Variants in BTBD6 observed in about 807,000 individuals in gnomAD.
The protein encoded by BTBD6 is BTB/POZ domain-containing protein 6.
BTBD6 carries 30 observed loss-of-function variants against 40.6 expected under a neutral mutation model. The observed-to-expected ratio is 0.74, with a 90% CI of 0.55 to 1.00. The LOEUF (loss-of-function observed/expected upper bound fraction) is 1.00. Among genes scored for constraint, BTBD6 ranks in the 50% least tolerant of loss-of-function variants. The pLI is 0.00. For synonymous variants in BTBD6, 378 were observed against 308.7 expected (o/e 1.22, Z -2.35); for missense variants, 698 against 694.6 (o/e 1.00, Z -0.06).
rs750479257 is a variant in BTBD6 at position 105,250,096 on chromosome 14, C to G, written c.1041C>G (p.Ala347=). The G allele has an allele frequency of 1.2e-5, 20 of 1,612,844 alleles. No homozygotes were observed. The African/African-American group carries it at 2.7e-4, about 22-fold the overall frequency. ...RIPTMTLEEF[A]NGAAQSDILT... ...CAACCATGACCCTAGAGGAGTTTGCCAACGGCGCTGCCCAGTCAGACATCC... is the reference window on the plus strand; with the variant it reads ...CAACCATGACCCTAGAGGAGTTTGCGAACGGCGCTGCCCAGTCAGACATCC... Residue 347 remains alanine (A), a synonymous_variant, in exon 4 of 4, where the codon GCC becomes GCG. Transcript: ENST00000392554.
chr14:105,249,938 A>C lies in BTBD6; in HGVS notation c.883A>C (p.Asn295His), dbSNP rs1389175211. ...GATCATTGTCACTCGGGAGGCCCTC[A>C]ACACCAAAGAGGCGGTGGTCTTCGA... ...LEIIVTREAL[N>H]TKEAVVFEAV... Residue 295 changes from asparagine (N) to histidine (H), a missense_variant, in exon 4 of 4, where the codon AAC becomes CAC. By Grantham distance (68) the Asn-to-His change is moderately conservative. Coordinates refer to ENST00000392554, the MANE Select transcript of BTBD6 (RefSeq NM_001387567.1). The C allele has an allele frequency of 6.2e-7, 1 of 1,611,858 alleles. No homozygotes were observed. Among genetic ancestry groups the C allele is most frequent in the Non-Finnish European group, 8.5e-7 (1 of 1,180,012 alleles).
In BTBD6 at chr14:105,250,243, T is replaced by G; in HGVS notation, c.1188T>G (p.Ser396=). Residue 396 remains serine, a synonymous_variant, in exon 4 of 4, where the codon TCT becomes TCG. Transcript: ENST00000392554. ...LAPQRCHRFQ[S]SAYRSNQWRY... ...CGCAGAGGTGCCACCGATTCCAGTC[T>G]TCTGCCTACCGCAGCAACCAGTGGC... 6.2e-7 allele frequency: 1 copy of G among 1,613,058 alleles called. No homozygotes were observed. The highest frequency in any genetic ancestry group is 8.5e-7 in the Non-Finnish European group (1 of 1,180,038).
rs1271633536 is a variant in BTBD6 at position 105,249,328 on chromosome 14, G to T, written c.466-32G>T. 10 of 1,600,088 alleles carry T rather than the reference G, an allele frequency of 6.2e-6. No individual in the cohort carries two copies. The Admixed American group carries it at 1.5e-4, about 25-fold the overall frequency. On this transcript the variant is annotated intron_variant, in intron 2 of 3. Coordinates refer to ENST00000392554, the MANE Select transcript of BTBD6 (RefSeq NM_001387567.1). ...TGGCTGACACGCAGCCTGCGGGAGA[G>T]CCAGGCTCACGGCGGCGCTTTCTCC...
chr14:105,250,812 G>A lies in BTBD6; in HGVS notation c.*140G>A, dbSNP rs2055562879. ...GTCAGCTGAAGCTTGACTGTGTAGA[G>A]ACATTTTCCACACAGCCAGAACCCA... On this transcript the variant is annotated 3_prime_UTR_variant, in exon 4 of 4. Transcript: ENST00000392554. 1.1e-6 allele frequency: 1 copy of A among 926,666 alleles called. No homozygotes were observed. Among genetic ancestry groups the A allele is most frequent in the Non-Finnish European group, 1.6e-6 (1 of 620,642 alleles). 57.4% of individuals were successfully genotyped at this position (926,666 alleles called of 1,614,324 possible). A position where few individuals can be genotyped will look rare whatever the true frequency, so the allele number is the denominator to read the frequency against.
intron 3 of BTBD6, 51 bp from the exon 4 acceptor site, chr14:105,249,589 C>T (rs375252620): frequency 6.2e-5 from 98 of 1,586,232 alleles, no homozygotes; most frequent in Non-Finnish European, 7.9e-5. Flanking sequence ...GGCCCAGCCC[C>T]GCGATGGGTG....
Position 105,248,578 on chromosome 14 carries a change from CGGGCG to C in BTBD6, c.-131_-127del. ...CGCGGCGGGTACGGGCTCGGGCGGG[CGGGCG>C]GGCGGGACGGCGCCCCCCGCGGCCG... On this transcript the variant is annotated 5_prime_UTR_variant, in exon 1 of 4. Transcript: ENST00000392554. The C allele has an allele frequency of 1.1e-5, 1 of 88,168 alleles. No individual in the cohort carries two copies. The allele number at this position is 88,168 out of a possible 1,614,324, so 5.5% of individuals were successfully genotyped here. A position where few individuals can be genotyped will look rare whatever the true frequency, so the allele number is the denominator to read the frequency against.
chr14:105,249,450 G>A lies in BTBD6; in HGVS notation c.556G>A (p.Glu186Lys). Reference protein sequence around the residue: ...VKSEIHIPDVEPAAFLILLKY... With the variant: ...VKSEIHIPDVKPAAFLILLKY... The stretch of plus-strand genomic sequence containing the variant: ...ATCTGAAATTCACATTCCAGACGTG[G>A]AGCCCGCAGCCTTTCTGATCCTCTT... Residue 186 changes from glutamate (E) to lysine (K), a missense_variant, in exon 3 of 4, where the codon GAG becomes AAG. Coordinates refer to ENST00000392554, the MANE Select transcript of BTBD6 (RefSeq NM_001387567.1). 3 of 1,613,626 alleles carry A rather than the reference G, an allele frequency of 1.9e-6. No homozygotes were observed. Among genetic ancestry groups the A allele is most frequent in the South Asian group, 1.1e-5 (1 of 91,076 alleles).
Position 105,248,565 on chromosome 14 carries a change from GGGCT to G in BTBD6, c.-146_-143del. 1.2e-6 allele frequency: 1 copy of G among 843,018 alleles called. No individual in the cohort carries two copies. Among genetic ancestry groups the G allele is most frequent in the Non-Finnish European group, 1.4e-6 (1 of 715,952 alleles). The allele number at this position is 843,018 out of a possible 1,614,324, so 52.2% of individuals were successfully genotyped here. On this transcript the variant is annotated 5_prime_UTR_variant, in exon 1 of 4. Transcript: ENST00000392554. ...GACGCACCGGCGCCGCGGCGGGTAC[GGGCT>G]CGGGCGGGCGGGCGGGCGGGACGGC...
rs751327381 is a variant in BTBD6 at position 105,249,683 on chromosome 14, C to T, written c.628C>T (p.Leu210=). The T allele has an allele frequency of 3.7e-6, 6 of 1,613,402 alleles. No individual in the cohort carries two copies. The highest frequency in any genetic ancestry group is 1.3e-5 in the African/African-American group (1 of 74,936). The stretch of plus-strand genomic sequence containing the variant: ...GATCGATCTGGAAGCCGACACGGTG[C>T]TGGCCACTCTGTACGCTGCTAAGAA... ...DEIDLEADTV[L]ATLYAAKKYI... Residue 210 remains leucine (L), a synonymous_variant, in exon 4 of 4, where the codon CTG becomes TTG. Transcript: ENST00000392554.
Position 105,248,600 on chromosome 14 carries a change from C to A in BTBD6, c.-112C>A, listed in dbSNP as rs1367318987. ...GGGCGGGCGGGCGGGACGGCGCCCC[C>A]CGCGGCCGGGCCTGGCCGGGCTGCG... On this transcript the variant is annotated 5_prime_UTR_variant, in exon 1 of 4. Coordinates refer to ENST00000392554, the MANE Select transcript of BTBD6 (RefSeq NM_001387567.1). 1 of 961,632 alleles carries A rather than the reference C, an allele frequency of 1.0e-6. No individual in the cohort carries two copies. The highest frequency in any genetic ancestry group is 1.2e-6 in the Non-Finnish European group (1 of 814,648). 59.6% of individuals were successfully genotyped at this position (961,632 alleles called of 1,614,324 possible). A position where few individuals can be genotyped will look rare whatever the true frequency, so the allele number is the denominator to read the frequency against.
In BTBD6 at chr14:105,248,999, GC is replaced by G. The variant is rs2055373746; in HGVS notation, c.290del (p.Pro97ArgfsTer95). On this transcript the variant is annotated frameshift_variant, in exon 1 of 4. Transcript: ENST00000392554. LOFTEE classifies it high-confidence loss of function. ...CCAGCGCCCCCGCGCCAGCGCCGCC[GC>G]CGCCCGCGCCCGCGCCGCCCACACT... ...PPSAPAPAPP[P>X]PAPAPPTLGN... 24 of 1,020,244 alleles carry G rather than the reference GC, an allele frequency of 2.4e-5. No homozygotes were observed. Among genetic ancestry groups the G allele is most frequent in the Non-Finnish European group, 2.7e-5 (23 of 854,512 alleles). 63.2% of individuals were successfully genotyped at this position (1,020,244 alleles called of 1,614,324 possible). A position where few individuals can be genotyped will look rare whatever the true frequency, so the allele number is the denominator to read the frequency against.
chr14:105,249,257 G>C lies in BTBD6; in HGVS notation c.465+10G>C. 6.4e-7 allele frequency: 1 copy of C among 1,567,388 alleles called. No individual in the cohort carries two copies. Among genetic ancestry groups the C allele is most frequent in the Non-Finnish European group, 8.6e-7 (1 of 1,160,888 alleles). ...GGTGCCCGCCCACAAGGTGGGTAGC[G>C]GCGGCCCCTCTCGGAACGCGTGCCC... On this transcript the variant is annotated intron_variant, in intron 2 of 3. Transcript: ENST00000392554.
In BTBD6 at chr14:105,251,073, T is replaced by C. The variant is rs1408620244; in HGVS notation, c.*401T>C. 1.4e-5 allele frequency: 3 copies of C among 216,352 alleles called. No individual in the cohort carries two copies. The highest frequency in any genetic ancestry group is 2.3e-5 in the African/African-American group (1 of 43,264). 13.4% of individuals were successfully genotyped at this position (216,352 alleles called of 1,614,324 possible). On this transcript the variant is annotated 3_prime_UTR_variant, in exon 4 of 4. Transcript: ENST00000392554. ...CACTTAAAATAGTGGACTTCTGTAATAAAGGTTGCCTAAAATAACACCCAC... is the reference window on the plus strand; with the variant it reads ...CACTTAAAATAGTGGACTTCTGTAACAAAGGTTGCCTAAAATAACACCCAC...
Position 105,250,996 on chromosome 14 carries a change from G to A in BTBD6, c.*324G>A. 3.1e-6 allele frequency: 1 copy of A among 317,632 alleles called. No homozygotes were observed. Among genetic ancestry groups the A allele is most frequent in the Non-Finnish European group, 6.1e-6 (1 of 162,630 alleles). The allele number at this position is 317,632 out of a possible 1,614,324, so 19.7% of individuals were successfully genotyped here. ...CTGCTACCCTCTTGGATTCTAAGTG[G>A]TTCCAAGCTTAACTTGAGACCTTCC... is the stretch of plus-strand genomic sequence containing the variant. On this transcript the variant is annotated 3_prime_UTR_variant, in exon 4 of 4. Coordinates refer to ENST00000392554, the MANE Select transcript of BTBD6 (RefSeq NM_001387567.1).
rs2055292500 is a variant in BTBD6 at position 105,248,542 on chromosome 14, C to T, written c.-170C>T. On this transcript the variant is annotated 5_prime_UTR_variant, in exon 1 of 4. It adds an upstream start codon to the 5' untranslated region. Coordinates refer to ENST00000392554, the MANE Select transcript of BTBD6 (RefSeq NM_001387567.1). The stretch of plus-strand genomic sequence containing the variant: ...GGGGCGCGGCCCTGACGCAGCGTGA[C>T]GCACCGGCGCCGCGGCGGGTACGGG... 2 of 892,250 alleles carry T rather than the reference C, an allele frequency of 2.2e-6. No individual in the cohort carries two copies. Among genetic ancestry groups the T allele is most frequent in the South Asian group, 5.3e-5 (1 of 18,956 alleles). 55.3% of individuals were successfully genotyped at this position (892,250 alleles called of 1,614,324 possible).
rs1376336058 is a variant in BTBD6 at position 105,248,563 on chromosome 14, ACGGGCT to A, written c.-143_-138del. 27 of 263,628 alleles carry A rather than the reference ACGGGCT, an allele frequency of 1.0e-4. No homozygotes were observed. The highest frequency in any genetic ancestry group is 1.9e-4 in the South Asian group (1 of 5,252). 16.3% of individuals were successfully genotyped at this position (263,628 alleles called of 1,614,324 possible). On this transcript the variant is annotated 5_prime_UTR_variant, in exon 1 of 4. Transcript: ENST00000392554. ...GTGACGCACCGGCGCCGCGGCGGGT[ACGGGCT>A]CGGGCGGGCGGGCGGGCGGGACGGC...
rs587650126 is a variant in BTBD6 at position 105,250,023 on chromosome 14, G to A, written c.968G>A (p.Arg323Gln). Residue 323 changes from arginine (R) to glutamine (Q), a missense_variant, in exon 4 of 4, where the codon CGA becomes CAA. By Grantham distance (43) the Arg-to-Gln change is conservative. Coordinates refer to ENST00000392554, the MANE Select transcript of BTBD6 (RefSeq NM_001387567.1). ...AGGCAGGGGCTGCCAATCACCCCAC[G>A]AAACAAGAGGCATGTTCTGGGGCGA... ...CKRQGLPITPRNKRHVLGRAL... is the reference protein window; with the variant it reads ...CKRQGLPITPQNKRHVLGRAL... 11 of 1,612,854 alleles carry A rather than the reference G, an allele frequency of 6.8e-6. No individual in the cohort carries two copies. Among genetic ancestry groups the A allele is most frequent in the East Asian group, 2.2e-5 (1 of 44,882 alleles).
Position 105,248,537 on chromosome 14 carries a change from C to T in BTBD6, c.-175C>T, listed in dbSNP as rs1442015440. The T allele has an allele frequency of 6.1e-5, 56 of 914,790 alleles. No individual in the cohort carries two copies. The highest frequency in any genetic ancestry group is 6.7e-5 in the Non-Finnish European group (53 of 787,062). 56.7% of individuals were successfully genotyped at this position (914,790 alleles called of 1,614,324 possible). On this transcript the variant is annotated 5_prime_UTR_variant, in exon 1 of 4. Transcript: ENST00000392554. ...CGCGCGGGGCGCGGCCCTGACGCAGCGTGACGCACCGGCGCCGCGGCGGGT... is the reference window on the plus strand; with the variant it reads ...CGCGCGGGGCGCGGCCCTGACGCAGTGTGACGCACCGGCGCCGCGGCGGGT...
Position 105,250,580 on chromosome 14 carries a change from A to C in BTBD6, c.1525A>C (p.Lys509Gln). ...GGGGATGACGGAAGTGCAGTGTGGAAAGGTGGCCTTCCAGTTCCAGTGCTC... is the reference window on the plus strand; with the variant it reads ...GGGGATGACGGAAGTGCAGTGTGGACAGGTGGCCTTCCAGTTCCAGTGCTC... ...QEGMTEVQCG[K>Q]VAFQFQCSSD... Residue 509 changes from lysine to glutamine, a missense_variant, in exon 4 of 4, where the codon AAG becomes CAG. Transcript: ENST00000392554. 6.2e-7 allele frequency: 1 copy of C among 1,614,068 alleles called. No individual in the cohort carries two copies. The highest frequency in any genetic ancestry group is 1.1e-5 in the South Asian group (1 of 91,084).
Sources: allele counts gnomAD v4.1 joint callset, GRCh38; gene constraint gnomAD v4.1.1; transcripts MANE v1.5; gene names NCBI Gene and HGNC (gene_info 2026-07-23, HGNC 2026-07-21).